Variants in FAT3 observed in about 807,000 individuals in gnomAD.
FAT3 encodes protocadherin Fat 3.
A neutral mutation model predicts 310.2 loss-of-function variants in FAT3; 95 were observed. That is an observed-to-expected ratio of 0.31 (90% CI 0.26 to 0.36). The LOEUF (loss-of-function observed/expected upper bound fraction) is 0.36. FAT3 is among the 10% of genes least tolerant of loss of function. The pLI is 1.00. For missense variants in FAT3, 5,408 were observed against 5,715.6 expected (o/e 0.95, Z 1.74); for synonymous variants, 2,314 against 2,192.9 (o/e 1.06, Z -1.54).
intron 2 of FAT3, among the ~76,000 whole-genome samples, chr11:92,485,184 C>T (rs2135209193): frequency 6.6e-6 from 1 of 152,292 alleles, no homozygotes; most frequent in Non-Finnish European, 1.5e-5. Context: ...GAAAACAGGC[C>T]ATTATTTAAT....
At chr11:92,847,820 A>T (rs1948726627) in intron 19 of FAT3, among the ~76,000 whole-genome samples, 1 of 152,208 alleles carries the variant, frequency 6.6e-6, no homozygotes, top group Non-Finnish European at 1.5e-5. Context: ...ATAAAAATAC[A>T]ACCATGAATT....
intron 3 of FAT3, among the ~76,000 whole-genome samples, chr11:92,601,095 C>G (rs1939996082): frequency 6.6e-6 from 1 of 150,870 alleles, no homozygotes. Context: ...ATTATAAGAG[C>G]AACAAGAAGC....
At chr11:92,572,988 T>G (rs934393411) in intron 3 of FAT3, among the ~76,000 whole-genome samples, 11 of 152,142 alleles carry the variant, frequency 7.2e-5, no homozygotes, top group African/African-American at 2.4e-4. Context: ...TAGGCAACAA[T>G]GATTAATTGT....
chr11:92,359,401 T>C (rs1368708185), intron 2 of FAT3, among the ~76,000 whole-genome samples: 1 of 152,188 alleles, frequency 6.6e-6, no homozygotes, highest in African/African-American at 2.4e-5. Flanking sequence ...GCTTCAGTAA[T>C]TGTAGTGCTT....
rs1342169313 is a variant in FAT3 at position 92,354,275 on chromosome 11, G to A, written c.2163G>A (p.Gln721=). ...GFLDFYSINR[Q]GPYFDKSFPS... ...TTGACTTTTATTCAATTAATAGACAGGGACCATATTTTGACAAGTCTTTTC... is the reference window on the plus strand; with the variant it reads ...TTGACTTTTATTCAATTAATAGACAAGGACCATATTTTGACAAGTCTTTTC... The change falls in exon 2 of 28, where the codon CAG becomes CAA. Residue 721 remains glutamine (Q), a synonymous_variant. Coordinates refer to ENST00000525166, the MANE Select transcript of FAT3 (RefSeq NM_001367949.2). 3.1e-6 allele frequency: 5 copies of A among 1,613,582 alleles called. No individual in the cohort carries two copies. The African/African-American group carries it at 6.7e-5, about 22-fold the overall frequency.
intron 1 of FAT3, among the ~76,000 whole-genome samples, chr11:92,242,884 G>T (rs142381907): frequency 6.6e-6 from 1 of 151,782 alleles, no homozygotes; most frequent in East Asian, 1.9e-4. Context: ...CTGGCAATTC[G>T]TATTTATCCA....
At chr11:92,777,092 G>A (rs1052129187) in intron 7 of FAT3, among the ~76,000 whole-genome samples, 1 of 152,158 alleles carries the variant, frequency 6.6e-6, no homozygotes, top group Non-Finnish European at 1.5e-5. Context: ...CATGCATGAC[G>A]CTGGGCAACT....
chr11:92,243,868 A>T (rs879858190), intron 1 of FAT3, among the ~76,000 whole-genome samples: 2 of 152,142 alleles, frequency 1.3e-5, no homozygotes, highest in Non-Finnish European at 2.9e-5. Context: ...ATATTTTAAA[A>T]TAGAAAGCTT....
intron 3 of FAT3, among the ~76,000 whole-genome samples, chr11:92,605,930 C>T (rs1373291480): frequency 6.6e-6 from 1 of 151,982 alleles, no homozygotes; most frequent in African/African-American, 2.4e-5. Flanking sequence ...GGTGACCAGT[C>T]AGAAAATGTG....
At chr11:92,357,215 GT>G (rs941435148) in intron 2 of FAT3, among the ~76,000 whole-genome samples, 2 of 152,098 alleles carry the variant, frequency 1.3e-5, no homozygotes, top group African/African-American at 4.8e-5. Flanking sequence ...TGTACAGAGG[GT>G]TTTATAGACA....
intron 1 of FAT3, among the ~76,000 whole-genome samples, chr11:92,342,194 C>A (rs1948281964): frequency 6.6e-6 from 1 of 152,140 alleles, no homozygotes; most frequent in South Asian, 2.1e-4. Flanking sequence ...GATGTCTTAT[C>A]ATTTGTTACA....
chr11:92,538,215 G>T (rs505471), intron 3 of FAT3, among the ~76,000 whole-genome samples: 55,100 of 151,928 alleles, frequency 0.36, 11,343 homozygotes, highest in Middle Eastern at 0.53. Context: ...AGACAATTCT[G>T]CTTATCTTTA....
intron 3 of FAT3, among the ~76,000 whole-genome samples, chr11:92,578,193 G>T (rs1387887364): frequency 6.9e-6 from 1 of 144,892 alleles, no homozygotes; most frequent in African/African-American, 2.5e-5. Context: ...AAATGTTAAA[G>T]ATCTTTTAAA....
chr11:92,248,865 A>C (rs534256906), intron 1 of FAT3, among the ~76,000 whole-genome samples: 1 of 152,260 alleles, frequency 6.6e-6, no homozygotes, highest in Admixed American at 6.6e-5. Context: ...TAATGATCCA[A>C]AAAAGATATA....
At position 92,755,858 on chromosome 11, in the gene FAT3, G is replaced by A. The variant is rs536005865; in HGVS notation, c.3670-5998G>A. Among the ~76,000 whole-genome samples, 252 of 152,184 alleles carry A rather than the reference G, an allele frequency of 1.7e-3. 6 individuals carry two copies. The highest frequency in any genetic ancestry group is 0.01 in the Middle Eastern group (3 of 294). On this transcript the variant is annotated intron_variant, in intron 4 of 27. Coordinates refer to ENST00000525166, the MANE Select transcript of FAT3 (RefSeq NM_001367949.2). Reference sequence around the variant, plus strand: ...AATTTGGTCAGAATCTGTGTTCGTCGGTTGGTTATTTGGTTGATCTCCCAG... The same window carrying A: ...AATTTGGTCAGAATCTGTGTTCGTCAGTTGGTTATTTGGTTGATCTCCCAG...
chr11:92,623,735 A>C (rs1385524341), intron 3 of FAT3, among the ~76,000 whole-genome samples: 2 of 152,154 alleles, frequency 1.3e-5, no homozygotes, highest in Non-Finnish European at 1.5e-5. Context: ...CGAGGTCAGG[A>C]GATCGAGACC....
At chr11:92,732,987 A>G (rs972732308) in intron 4 of FAT3, among the ~76,000 whole-genome samples, 1 of 152,226 alleles carries the variant, frequency 6.6e-6, no homozygotes, top group South Asian at 2.1e-4. Flanking sequence ...AGTTAGACCC[A>G]GGAAAAAACT....
chr11:92,849,664 T>C (rs80038779), intron 19 of FAT3, among the ~76,000 whole-genome samples: 3,962 of 152,322 alleles, frequency 0.026, 85 homozygotes, highest in African/African-American at 0.066. Flanking sequence ...TTATCAGCTC[T>C]ACTTGGAGGA....
chr11:92,360,438 G>A (rs1410981330), intron 2 of FAT3, among the ~76,000 whole-genome samples: 1 of 152,220 alleles, frequency 6.6e-6, no homozygotes, highest in Non-Finnish European at 1.5e-5. Context: ...TAGTCTGGAA[G>A]ATGCAATTTA....
Sources: allele counts gnomAD v4.1 joint callset (sites outside exome capture counted in the v4.1 genomes callset), GRCh38; gene constraint gnomAD v4.1.1; transcripts MANE v1.5; gene names NCBI Gene and HGNC (gene_info 2026-07-23, HGNC 2026-07-21).